The following PLCB2 variants were observed in gnomAD, a reference collection of about 807,000 sequenced individuals.
PLCB2 encodes the protein phospholipase C beta 2, also known as 1-phosphatidylinositol 4,5-bisphosphate phosphodiesterase beta-2.
A neutral mutation model predicts 141.7 loss-of-function variants in PLCB2; 115 were observed. That is an observed-to-expected ratio of 0.81 (90% CI 0.70 to 0.95). The LOEUF (loss-of-function observed/expected upper bound fraction) is 0.95. Among genes scored for constraint, PLCB2 ranks in the 40% least tolerant of loss-of-function variants. The probability of loss-of-function intolerance (pLI) is 0.00; values close to 1 mark genes in which losing one functional copy is unlikely to be tolerated. For synonymous variants in PLCB2, 603 were observed against 595.6 expected, an observed-to-expected ratio of 1.01 and a Z score of -0.18; for missense variants, 1,403 against 1,541.1, an observed-to-expected ratio of 0.91 and a Z score of 1.50.
intron 25 of PLCB2, 35 bp downstream of exon 25, chr15:40,291,571 T>G (rs2039930874): frequency 1.2e-6 from 2 of 1,611,984 alleles, no homozygotes; most frequent in Non-Finnish European, 1.7e-6. Flanking sequence ...CGCCCCAGGC[T>G]CATCCCCGAG....
chr15:40,307,403 G>A (rs2040852230), intron 1 of PLCB2, among the ~76,000 whole-genome samples, 186 bp downstream of exon 1: 1 of 152,150 alleles, frequency 6.6e-6, no homozygotes, highest in South Asian at 2.1e-4. Context: ...TAGCCCTTTA[G>A]CTGGGGACAT....
At chr15:40,289,403 C>A in intron 30 of PLCB2, 45 bp from the exon 31 acceptor site, 2 of 1,419,676 alleles carry the variant, frequency 1.4e-6, no homozygotes, top group Non-Finnish European at 2.0e-6. Flanking sequence ...CACAGACAGG[C>A]AAGCTGGGTC....
intron 16 of PLCB2, among the ~76,000 whole-genome samples, 175 bp from the exon 17 acceptor site, chr15:40,295,460 C>T (rs1321930516): frequency 2.0e-5 from 3 of 152,204 alleles, no homozygotes; most frequent in African/African-American, 4.8e-5. Context: ...AATCACAGTG[C>T]CTGCTGGGGT....
intron 1 of PLCB2, among the ~76,000 whole-genome samples, chr15:40,304,364 A>G (rs1262136681): frequency 6.6e-6 from 1 of 152,078 alleles, no homozygotes. Context: ...GAGACTCCCT[A>G]CTGCCACCCA....
At chr15:40,302,724 T>A in intron 3 of PLCB2, 115 bp from the exon 4 acceptor site, 1 of 1,145,020 alleles carries the variant, frequency 8.7e-7, no homozygotes, top group South Asian at 1.5e-5. Flanking sequence ...CAGAACCCCA[T>A]CCCCATCCCA....
At chr15:40,289,228 A>T in intron 31 of PLCB2, 44 bp downstream of exon 31, 1 of 1,524,276 alleles carries the variant, frequency 6.6e-7, no homozygotes, top group East Asian at 2.3e-5. Flanking sequence ...TACAACCCGG[A>T]ACCCATTCAG....
chr15:40,288,251 G>A lies in PLCB2; in HGVS notation c.*464C>T. 1.0e-6 allele frequency: 1 copy of A among 987,480 alleles called. No individual in the cohort carries two copies. Among genetic ancestry groups the A allele is most frequent in the Non-Finnish European group, 1.2e-6 (1 of 831,382 alleles). 61.2% of individuals were successfully genotyped at this position (987,480 alleles called of 1,614,324 possible). A position where few individuals can be genotyped will look rare whatever the true frequency, so the allele number is the denominator to read the frequency against. On this transcript the variant is annotated 3_prime_UTR_variant, in exon 32 of 32. Coordinates refer to ENST00000260402, the MANE Select transcript of PLCB2 (RefSeq NM_004573.3). ...AGTGCCAGGATCTGCCTCAAGGAGT[G>A]GACAAGGCCAACTCAGGGCAGGCCT...
rs533322518 is a variant in PLCB2, at chr15:40,288,745, T to C, written c.3528A>G (p.Ala1176=). The C allele has an allele frequency of 1.9e-6, 3 of 1,602,314 alleles. No homozygotes were observed. In the African/African-American group the frequency reaches 4.0e-5, roughly 21 times the overall value. The change falls in exon 32 of 32, where the codon GCA becomes GCG. Residue 1176 remains alanine (A), a synonymous_variant. Coordinates refer to ENST00000260402, the MANE Select transcript of PLCB2 (RefSeq NM_004573.3). ...PELCEQDPLI[A]KADAQESRL is the part of the protein sequence containing the mutation. Reference sequence around the variant, plus strand: ...GGCGGCTCTCCTGGGCATCTGCCTTTGCTATGAGTGGGTCCTGCTCACACA... The same window carrying C: ...GGCGGCTCTCCTGGGCATCTGCCTTCGCTATGAGTGGGTCCTGCTCACACA...
At chr15:40,290,878 T>TAAA (rs1555391218) in intron 27 of PLCB2, 41 bp from the exon 28 acceptor site, 38 of 1,520,532 alleles carry the variant, frequency 2.5e-5, no homozygotes, top group South Asian at 1.0e-4. Context: ...AGCCCTTTGT[T>TAAA]GTTCAGAGGG....
At chr15:40,303,839 C>T in intron 2 of PLCB2, 162 bp downstream of exon 2, 1 of 584,274 alleles carries the variant, frequency 1.7e-6, no homozygotes, top group South Asian at 2.1e-5. Context: ...TCCTCCTTTC[C>T]AGAGCAAAGA....
At chr15:40,289,023 C>T (rs2039702810) in intron 31 of PLCB2, 105 bp from the exon 32 acceptor site, 1 of 1,488,334 alleles carries the variant, frequency 6.7e-7, no homozygotes, top group African/African-American at 1.4e-5. Context: ...ATGTTCGGAG[C>T]TCCCAGGAGA....
At chr15:40,285,253 G>T (rs1051535709), downstream of PLCB2, among the ~76,000 whole-genome samples, 8 of 152,280 alleles carry the variant, frequency 5.3e-5, no homozygotes, top group South Asian at 2.1e-4. Context: ...TTTTGCATTT[G>T]TTAAGCCTTT....
In PLCB2 at chr15:40,304,096, C is replaced by T; in HGVS notation, c.85-18G>A. On this transcript the variant is annotated intron_variant, in intron 1 of 31. Transcript: ENST00000260402. ...GTAGTTTCCTGCAGAGAGAAGGAGC[C>T]AGCACTCTGTTCCAAGACCTCAGGC... The T allele has an allele frequency of 1.9e-6, 3 of 1,568,638 alleles. No individual in the cohort carries two copies. The highest frequency in any genetic ancestry group is 2.3e-5 in the East Asian group (1 of 43,808).
Position 40,290,024 on chromosome 15 carries a change from C to G in PLCB2, c.3267+1G>C, listed in dbSNP as rs1355063734. 4.4e-6 allele frequency: 7 copies of G among 1,574,754 alleles called. No homozygotes were observed. In the African/African-American group the frequency reaches 9.5e-5, roughly 21 times the overall value. On this transcript the variant is annotated splice_donor_variant, in intron 30 of 31. Transcript: ENST00000260402. LOFTEE classifies it high-confidence loss of function. The stretch of plus-strand genomic sequence containing the variant: ...TTAGGAAGGACACAGCCCTTACACA[C>G]CTGCTTGATCACCTGCACTACTTCC...
intron 7 of PLCB2, chr15:40,301,464 G>A (rs1171034833): frequency 6.2e-6 from 4 of 645,480 alleles, no homozygotes; most frequent in African/African-American, 1.8e-5. Flanking sequence ...AAAAAGACAG[G>A]GAAAAATGCT....
chr15:40,288,825 A>G lies in PLCB2; in HGVS notation c.3448T>C (p.Phe1150Leu), dbSNP rs763174547. ...GGCTTGTCCTTGGCCTCGGAGGGAA[A>G]GCAGGTCCTGAGGCAGGCCCTCACC... is the stretch of plus-strand genomic sequence containing the variant. Reference protein sequence around the residue: ...ESVRACLRTCFPSEAKDKPER... With the variant: ...ESVRACLRTCLPSEAKDKPER... The change falls in exon 32 of 32, where the codon TTT becomes CTT. Residue 1150 changes from phenylalanine to leucine, a missense_variant. Phe to Leu is a conservative substitution (Grantham distance 22, BLOSUM62 0). Coordinates refer to ENST00000260402, the MANE Select transcript of PLCB2 (RefSeq NM_004573.3). 2.5e-6 allele frequency: 4 copies of G among 1,613,838 alleles called. No homozygotes were observed. The African/African-American group carries it at 5.3e-5, about 22-fold the overall frequency.
chr15:40,294,053 C>T (rs2040071086), intron 19 of PLCB2, among the ~76,000 whole-genome samples: 2 of 152,248 alleles, frequency 1.3e-5, no homozygotes, highest in African/African-American at 4.8e-5. Flanking sequence ...CCAGCCTCAG[C>T]CCTTCCCGTT....
In PLCB2 at chr15:40,291,246, G is replaced by A. The variant is rs780918357; in HGVS notation, c.2870+19C>T. 2 of 1,572,392 alleles carry A rather than the reference G, an allele frequency of 1.3e-6. No homozygotes were observed. The highest frequency in any genetic ancestry group is 1.7e-6 in the Non-Finnish European group (2 of 1,167,698). On this transcript the variant is annotated intron_variant, in intron 26 of 31. Transcript: ENST00000260402. Reference sequence around the variant, plus strand: ...CGCCACCCGCGCTGCAGAGGGCAGGGCACCGCCACGAGCCTTACCTCTTCT... The same window carrying A: ...CGCCACCCGCGCTGCAGAGGGCAGGACACCGCCACGAGCCTTACCTCTTCT...
intron 29 of PLCB2, 48 bp from the exon 30 acceptor site, chr15:40,290,130 G>C (rs372022150): frequency 1.4e-4 from 164 of 1,164,418 alleles, no homozygotes; most frequent in Non-Finnish European, 2.0e-4. Context: ...CCCCTAGGGA[G>C]AGTAGGGTAA....
Sources: gnomAD v4.1 joint callset for allele counts (sites outside exome capture counted in the v4.1 genomes callset) on GRCh38, gnomAD v4.1.1 for gene constraint, MANE v1.5 for transcripts, NCBI Gene and HGNC (gene_info 2026-07-23, HGNC 2026-07-21) for gene names.